The following SGK3 variants were observed in gnomAD, a reference collection of about 807,000 sequenced individuals.
The protein encoded by SGK3 is serum/glucocorticoid regulated kinase family member 3, also known as serine/threonine-protein kinase Sgk3.
SGK3 carries 47 observed loss-of-function variants against 68.5 expected under a neutral mutation model. The ratio of observed to expected loss-of-function variants is 0.69; its 90% CI spans 0.54 to 0.87. SGK3 has a LOEUF of 0.87. SGK3 is among the 40% of genes least tolerant of loss of function. The probability of loss-of-function intolerance (pLI) is 0.00; values close to 1 mark genes in which losing one functional copy is unlikely to be tolerated. For missense variants in SGK3, 479 were observed against 575.5 expected, an observed-to-expected ratio of 0.83 and a Z score of 1.72; for synonymous variants, 181 against 189.1, an observed-to-expected ratio of 0.96 and a Z score of 0.35.
chr8:66,769,422 C>T (rs1396381502), intron 1 of SGK3, among the ~76,000 whole-genome samples: 1 of 152,190 alleles, frequency 6.6e-6, no homozygotes, highest in Non-Finnish European at 1.5e-5. Context: ...CGGGATTTTG[C>T]CATGTTGGCC....
intron 1 of SGK3, among the ~76,000 whole-genome samples, chr8:66,743,834 T>C (rs1262857546): frequency 6.6e-6 from 1 of 152,234 alleles, no homozygotes; most frequent in Non-Finnish European, 1.5e-5. Context: ...TGTACTTGTC[T>C]CTAATTCTTC....
intron 5 of SGK3, among the ~76,000 whole-genome samples, chr8:66,819,830 T>C (rs546126597): frequency 6.6e-5 from 10 of 152,080 alleles, no homozygotes; most frequent in African/African-American, 1.9e-4. Flanking sequence ...TTGGTTTTTT[T>C]TTTTGGAGAC....
At chr8:66,764,047 G>C (rs1307241476) in intron 1 of SGK3, among the ~76,000 whole-genome samples, 1 of 151,952 alleles carries the variant, frequency 6.6e-6, no homozygotes, top group Non-Finnish European at 1.5e-5. Context: ...AATTTTTATA[G>C]AGACAGGATT....
chr8:66,736,409 G>C (rs925258049), intron 1 of SGK3, among the ~76,000 whole-genome samples: 2 of 152,020 alleles, frequency 1.3e-5, no homozygotes, highest in Admixed American at 1.3e-4. Flanking sequence ...TGCAAATACT[G>C]TTTTATTTTT....
In SGK3 at chr8:66,859,473, T is replaced by C. The variant is rs199534190; in HGVS notation, c.1383T>C (p.Ser461=). The C allele has an allele frequency of 4.9e-5, 79 of 1,613,202 alleles. 1 individual carries two copies. In the South Asian group the frequency reaches 8.1e-4, roughly 17 times the overall value. Residue 461 remains serine (S), a synonymous_variant, in exon 17 of 17, where the codon TCT becomes TCC. Coordinates refer to ENST00000521198, the MANE Select transcript of SGK3 (RefSeq NM_001033578.3). ...TAFTEETVPY[S]VCVSSDYSIV... ...TTACAGAAGAAACAGTTCCATATTCTGTGTGTGTATCTTCTGACTATTCTA... is the reference window on the plus strand; with the variant it reads ...TTACAGAAGAAACAGTTCCATATTCCGTGTGTGTATCTTCTGACTATTCTA...
At chr8:66,842,456 G>A (rs975643550) in intron 13 of SGK3, among the ~76,000 whole-genome samples, 99 of 151,958 alleles carry the variant, frequency 6.5e-4, no homozygotes, top group African/African-American at 2.3e-3. Flanking sequence ...TCCTGACCTT[G>A]TGATCCACCC....
intron 1 of SGK3, among the ~76,000 whole-genome samples, chr8:66,769,386 G>T (rs1470810964): frequency 1.3e-5 from 2 of 152,174 alleles, no homozygotes; most frequent in African/African-American, 4.8e-5. Context: ...ACCATGCCCA[G>T]CTAATTTTTG....
At chr8:66,713,516 A>G (rs1407817652) in intron 1 of SGK3, among the ~76,000 whole-genome samples, 1 of 152,240 alleles carries the variant, frequency 6.6e-6, no homozygotes, top group Admixed American at 6.5e-5. Context: ...ACCAGAGACT[A>G]CTTAGTGTGC....
intron 4 of SGK3, among the ~76,000 whole-genome samples, chr8:66,805,904 G>A (rs948842725): frequency 6.6e-6 from 1 of 152,176 alleles, no homozygotes; most frequent in Admixed American, 6.5e-5. Flanking sequence ...CTTATATTGA[G>A]TGTGCTTTCT....
chr8:66,766,636 G>T (rs1430022371), intron 1 of SGK3, among the ~76,000 whole-genome samples: 1 of 152,126 alleles, frequency 6.6e-6, no homozygotes, highest in Non-Finnish European at 1.5e-5. Flanking sequence ...AAGGGGTTTT[G>T]AAACTTCTAA....
intron 1 of SGK3, among the ~76,000 whole-genome samples, chr8:66,750,908 G>A (rs1201510233): frequency 6.6e-6 from 1 of 150,678 alleles, no homozygotes; most frequent in African/African-American, 2.4e-5. Flanking sequence ...TTGGGAGGCT[G>A]AGGTGGGAGG....
chr8:66,782,676 C>T (rs1379770250), intron 1 of SGK3, among the ~76,000 whole-genome samples: 1 of 152,206 alleles, frequency 6.6e-6, no homozygotes, highest in Non-Finnish European at 1.5e-5. Flanking sequence ...GATCTTTTTA[C>T]TGTTTTCCTA....
intron 3 of SGK3, among the ~76,000 whole-genome samples, chr8:66,801,423 C>A (rs1807941328): frequency 1.3e-5 from 2 of 152,088 alleles, no homozygotes; most frequent in Non-Finnish European, 2.9e-5. Context: ...AAATATCTTT[C>A]ATAAGTTTTT....
chr8:66,805,241 C>A (rs914264829), intron 4 of SGK3, among the ~76,000 whole-genome samples: 2 of 151,124 alleles, frequency 1.3e-5, no homozygotes, highest in South Asian at 2.1e-4. Flanking sequence ...TATCCTAAGC[C>A]GGGCACGGTG....
intron 14 of SGK3, among the ~76,000 whole-genome samples, chr8:66,844,004 A>C (rs1349897389): frequency 1.3e-5 from 2 of 151,526 alleles, no homozygotes; most frequent in African/African-American, 2.4e-5. Context: ...AAAAAAAAAA[A>C]AAAAAAAAAA....
intron 7 of SGK3, among the ~76,000 whole-genome samples, chr8:66,829,895 CAG>C (rs1809235539): frequency 7.1e-6 from 1 of 140,684 alleles, no homozygotes; most frequent in Non-Finnish European, 1.5e-5. Flanking sequence ...TTTATTGAGA[CAG>C]AGTCTCGCTC....
At chr8:66,830,935 T>C (rs1809278181) in intron 7 of SGK3, among the ~76,000 whole-genome samples, 1 of 152,226 alleles carries the variant, frequency 6.6e-6, no homozygotes, top group Non-Finnish European at 1.5e-5. Flanking sequence ...AGATAGAAGC[T>C]ATTTCAAGTT....
chr8:66,816,502 C>G (rs533988519), intron 5 of SGK3, among the ~76,000 whole-genome samples: 2 of 151,792 alleles, frequency 1.3e-5, no homozygotes, highest in Non-Finnish European at 2.9e-5. Context: ...CGCGCCACCA[C>G]GCCTGGCTAA....
At chr8:66,819,808 G>GT (rs1205222769) in intron 5 of SGK3, among the ~76,000 whole-genome samples, 7 of 149,506 alleles carry the variant, frequency 4.7e-5, no homozygotes, top group Non-Finnish European at 1.0e-4. Context: ...TTTTGTTTTT[G>GT]TTTTTTGTTT....
Sources: gnomAD v4.1 joint callset for allele counts (sites outside exome capture counted in the v4.1 genomes callset) on GRCh38, gnomAD v4.1.1 for gene constraint, MANE v1.5 for transcripts, NCBI Gene and HGNC (gene_info 2026-07-23, HGNC 2026-07-21) for gene names.